Variants in NOX4 observed in about 807,000 individuals in gnomAD.
NOX4 encodes the protein kidney oxidase-1.
In NOX4, 69 loss-of-function variants were observed where a neutral mutation model predicts 87.6. That is an observed-to-expected ratio of 0.79 (90% CI 0.65 to 0.96). NOX4 has a LOEUF of 0.96. NOX4 is among the 40% of genes least tolerant of loss of function. The pLI is 0.00. For missense variants in NOX4, 680 were observed against 681.5 expected (o/e 1.00, Z 0.02); for synonymous variants, 275 against 238.2 (o/e 1.15, Z -1.42).
chr11:89,383,239 C>T (rs1940431204), intron 11 of NOX4, among the ~76,000 whole-genome samples: 1 of 152,248 alleles, frequency 6.6e-6, no homozygotes, highest in South Asian at 2.1e-4. Context: ...AGGACCTCCT[C>T]CCTCAGGATC....
the NOX4 span, chr11:89,548,747 T>C: frequency 3.6e-4 from 55 of 152,312 alleles, no homozygotes; most frequent in Non-Finnish European, 6.5e-4. Flanking sequence ...CTTAAGAACC[T>C]TCACCAAAAT....
At chr11:89,476,675 T>C (rs1946181526) in intron 2 of NOX4, among the ~76,000 whole-genome samples, 1 of 152,162 alleles carries the variant, frequency 6.6e-6, no homozygotes, top group Non-Finnish European at 1.5e-5. Context: ...TCCTTTATAT[T>C]CATGATGATG....
At position 89,326,004 on chromosome 11, in the gene NOX4, C is replaced by T. The variant is rs1265134919; in HGVS notation, c.*752G>A. 1.4e-5 allele frequency: 2 copies of T among 147,514 alleles called. No homozygotes were observed. The highest frequency in any genetic ancestry group is 4.0e-4 in the East Asian group (2 of 5,052). The allele number at this position is 147,514 out of a possible 1,614,324, so 9.1% of individuals were successfully genotyped here. ...TTTATAGTAGGAATATTTTCATTAC[C>T]ATGCAATAGTGATAGATTTAAATGA... On this transcript the variant is annotated 3_prime_UTR_variant, in exon 18 of 18. Coordinates refer to ENST00000263317, the MANE Select transcript of NOX4 (RefSeq NM_016931.5).
chr11:89,558,432 T>C, the NOX4 span, among the ~76,000 whole-genome samples: 1 of 151,974 alleles, frequency 6.6e-6, no homozygotes, highest in African/African-American at 2.4e-5. Flanking sequence ...GCTTGATAAG[T>C]CTGGGCCTTC....
At chr11:89,570,787 T>C in the NOX4 span, among the ~76,000 whole-genome samples, 1 of 152,136 alleles carries the variant, frequency 6.6e-6, no homozygotes, top group Non-Finnish European at 1.5e-5. Flanking sequence ...GATTATGCCA[T>C]TGCACTGCAG....
the NOX4 span, among the ~76,000 whole-genome samples, chr11:89,558,291 A>G: frequency 6.6e-6 from 1 of 152,118 alleles, no homozygotes; most frequent in Non-Finnish European, 1.5e-5. Flanking sequence ...CTGTTACCCC[A>G]ATTTAAGACA....
rs531351614 is a variant in NOX4 at position 89,457,632 on chromosome 11, TAA to T, written c.154-5739_154-5738del. On this transcript the variant is annotated intron_variant, in intron 2 of 17. Transcript: ENST00000263317. ...TTGGCCCCCTAAAACCTTCCAGAAA[TAA>T]AGTCAGTCTACTGAACCTACCTCAA... Among the ~76,000 whole-genome samples, 234 of 152,060 alleles carry T rather than the reference TAA, an allele frequency of 1.5e-3. 1 individual carries two copies. The highest frequency in any genetic ancestry group is 5.5e-3 in the African/African-American group (227 of 41,466).
At chr11:89,339,908 T>C (rs1945901363) in intron 15 of NOX4, among the ~76,000 whole-genome samples, 155 bp downstream of exon 15, 1 of 152,218 alleles carries the variant, frequency 6.6e-6, no homozygotes. Context: ...TTATCTCTGA[T>C]TTTTTATGTT....
intron 12 of NOX4, among the ~76,000 whole-genome samples, chr11:89,367,853 G>T (rs537408256): frequency 3.3e-5 from 5 of 152,114 alleles, no homozygotes; most frequent in Non-Finnish European, 5.9e-5. Flanking sequence ...CCTCCCAATA[G>T]CATGACATTT....
chr11:89,431,098 A>C (rs942041214), intron 7 of NOX4, among the ~76,000 whole-genome samples: 1 of 152,234 alleles, frequency 6.6e-6, no homozygotes, highest in African/African-American at 2.4e-5. Context: ...AAAACAAGAA[A>C]TGGGGAAAGA....
At chr11:89,359,446 TC>T (rs924262223) in intron 12 of NOX4, among the ~76,000 whole-genome samples, 13 of 149,550 alleles carry the variant, frequency 8.7e-5, no homozygotes, top group Non-Finnish European at 1.5e-5. Context: ...AGTGGCATGA[TC>T]TCAGCTCACT....
At chr11:89,438,859 T>A (rs375749170) in intron 6 of NOX4, among the ~76,000 whole-genome samples, 54 of 36,412 alleles carry the variant, frequency 1.5e-3, no homozygotes, top group African/African-American at 0.011. Context: ...TATAATATAT[T>A]ATATATTATA....
chr11:89,522,601 C>G, the NOX4 span, among the ~76,000 whole-genome samples: 1 of 152,014 alleles, frequency 6.6e-6, no homozygotes, highest in Admixed American at 6.6e-5. Context: ...ATACAATACA[C>G]CCTGATAACA....
the NOX4 span, among the ~76,000 whole-genome samples, chr11:89,552,153 T>C: frequency 3.3e-5 from 5 of 152,214 alleles, no homozygotes; most frequent in African/African-American, 1.2e-4. Flanking sequence ...AGGCATAACC[T>C]GTAGTTTTAA....
At chr11:89,569,407 G>C in the NOX4 span, among the ~76,000 whole-genome samples, 1 of 152,154 alleles carries the variant, frequency 6.6e-6, no homozygotes, top group Non-Finnish European at 1.5e-5. Context: ...GATATGAATA[G>C]GCGTTTCTCA....
the NOX4 span, among the ~76,000 whole-genome samples, chr11:89,588,420 C>G: frequency 1.3e-5 from 2 of 152,202 alleles, no homozygotes; most frequent in Admixed American, 6.5e-5. Context: ...AAATTGTTTC[C>G]TATTCCAAAG....
At chr11:89,495,016 C>T (rs1946933717), upstream of NOX4, among the ~76,000 whole-genome samples, 1 of 152,202 alleles carries the variant, frequency 6.6e-6, no homozygotes, top group Non-Finnish European at 1.5e-5. Context: ...AATCATGGCT[C>T]ACTGCAGCCT....
chr11:89,579,712 A>G, the NOX4 span, among the ~76,000 whole-genome samples: 1 of 152,258 alleles, frequency 6.6e-6, no homozygotes, highest in Non-Finnish European at 1.5e-5. Context: ...AGAGATTAAT[A>G]ATAGGGGAAA....
chr11:89,362,112 G>T (rs961533254), intron 12 of NOX4, among the ~76,000 whole-genome samples: 6 of 151,694 alleles, frequency 4.0e-5, no homozygotes, highest in African/African-American at 1.5e-4. Flanking sequence ...AACCCTCTTT[G>T]TTCTCTTTCC....
Sources: allele counts gnomAD v4.1 joint callset (sites outside exome capture counted in the v4.1 genomes callset), GRCh38; gene constraint gnomAD v4.1.1; transcripts MANE v1.5; gene names NCBI Gene and HGNC (gene_info 2026-07-23, HGNC 2026-07-21).